Variants in UST observed in about 807,000 individuals in gnomAD.
The protein encoded by UST is chondroitin sulfate 2-O-sulfotransferase.
UST carries 21 observed loss-of-function variants against 45.6 expected under a neutral mutation model. The ratio of observed to expected loss-of-function variants is 0.46; its 90% CI spans 0.33 to 0.66. The LOEUF is 0.66. Among genes scored for constraint, UST ranks in the 30% least tolerant of loss-of-function variants. The pLI, the probability that UST is intolerant of heterozygous loss-of-function variation, is 0.02. For synonymous variants in UST, 215 were observed against 200.6 expected (o/e 1.07, Z -0.61); for missense variants, 463 against 512.4 (o/e 0.90, Z 0.93).
rs548246446 is a variant in UST, at chr6:148,971,154, T to C, written c.681+6591T>C. Among the ~76,000 whole-genome samples the C allele has an allele frequency of 2.0e-5, 3 of 152,302 alleles. No homozygotes were observed. In the South Asian group the frequency reaches 6.2e-4, roughly 32 times the overall value. On this transcript the variant is annotated intron_variant, in intron 5 of 7. Coordinates refer to ENST00000367463, the MANE Select transcript of UST (RefSeq NM_005715.3). The stretch of plus-strand genomic sequence containing the variant: ...ACTTATAAGTGCTCACCACTGTGCA[T>C]TCTACTATGCAGTGGCACCAAACCA...
At position 148,759,763 on chromosome 6, in the gene UST, G is replaced by A. The variant is rs139091384; in HGVS notation, c.247+12086G>A. Among the ~76,000 whole-genome samples, 116 of 143,264 alleles carry A rather than the reference G, an allele frequency of 8.1e-4. 1 individual carries two copies. The highest frequency in any genetic ancestry group is 2.8e-3 in the African/African-American group (109 of 38,490). 94.0% of individuals were successfully genotyped at this position (143,264 alleles called of 152,430 possible). ...CTCGGGAGGCTGAGGCAGGAGAATG[G>A]TGTGAACCCGGGAGGTGGAGCTTGC... On this transcript the variant is annotated intron_variant, in intron 1 of 7. Transcript: ENST00000367463.
At chr6:148,747,839 G>A (rs574373870) in intron 1 of UST, among the ~76,000 whole-genome samples, 162 bp downstream of exon 1, 1 of 152,096 alleles carries the variant, frequency 6.6e-6, no homozygotes, top group African/African-American at 2.4e-5. Flanking sequence ...GGTCGGGAGC[G>A]CCTTCTTCCT....
Position 148,786,103 on chromosome 6 carries a change from TTC to T in UST, c.247+38427_247+38428del, listed in dbSNP as rs545708010. The stretch of plus-strand genomic sequence containing the variant: ...CTACCATGACAGATCTTTTTTTTTT[TTC>T]CTAACAGGATGTATATGATTCTCTT... On this transcript the variant is annotated intron_variant, in intron 1 of 7. Transcript: ENST00000367463. Among the ~76,000 whole-genome samples the T allele has an allele frequency of 3.2e-3, 481 of 152,320 alleles. 3 individuals carry two copies. Among genetic ancestry groups the T allele is most frequent in the African/African-American group, 0.011 (465 of 41,568 alleles).
rs1392897107 is a variant in UST, at chr6:148,804,490, C to T, written c.247+56813C>T. Among the ~76,000 whole-genome samples the T allele has an allele frequency of 4.6e-5, 7 of 152,224 alleles. No individual in the cohort carries two copies. In the South Asian group the frequency reaches 6.2e-4, roughly 14 times the overall value. ...GGTGAAGTGGTCTGGTGCTCCTCTG[C>T]GTGTTTACAAGGCTTAATTAATAAG... On this transcript the variant is annotated intron_variant, in intron 1 of 7. Transcript: ENST00000367463.
chr6:148,974,007 A>AGCTGCGGC (rs1214202209), intron 5 of UST, among the ~76,000 whole-genome samples: 1 of 152,224 alleles, frequency 6.6e-6, no homozygotes, highest in East Asian at 1.9e-4. Flanking sequence ...AGGATTTGTT[A>AGCTGCGGC]GCTGCGGCAG....
chr6:148,959,707 A>G (rs1780607526), intron 4 of UST, among the ~76,000 whole-genome samples: 1 of 152,038 alleles, frequency 6.6e-6, no homozygotes, highest in African/African-American at 2.4e-5. Flanking sequence ...TGTGAGTGGG[A>G]GCCCTGACCC....
chr6:148,868,961 C>T (rs182461685), intron 1 of UST, among the ~76,000 whole-genome samples: 35 of 152,298 alleles, frequency 2.3e-4, no homozygotes, highest in Admixed American at 1.4e-3. Context: ...AACCACTCCC[C>T]GTTTCACACC....
intron 7 of UST, among the ~76,000 whole-genome samples, chr6:149,029,262 TTATG>T (rs773502452): frequency 2.7e-5 from 4 of 150,440 alleles, no homozygotes; most frequent in Non-Finnish European, 4.4e-5. Context: ...TCAAATAAGT[TTATG>T]TGAGTTAAAA....
At chr6:149,011,422 G>A (rs1374807491) in intron 5 of UST, among the ~76,000 whole-genome samples, 1 of 151,906 alleles carries the variant, frequency 6.6e-6, no homozygotes, top group Non-Finnish European at 1.5e-5. Context: ...GTGTGACTCT[G>A]GTCAAAAATA....
At chr6:148,957,186 A>G (rs1780532553) in intron 4 of UST, among the ~76,000 whole-genome samples, 1 of 152,226 alleles carries the variant, frequency 6.6e-6, no homozygotes, top group Non-Finnish European at 1.5e-5. Flanking sequence ...CTGACTCCCC[A>G]GGAGCAACCT....
Position 149,048,074 on chromosome 6 carries a change from A to G in UST, c.938-25759A>G, listed in dbSNP as rs73591821. On this transcript the variant is annotated intron_variant, in intron 7 of 7. Transcript: ENST00000367463. ...AGTTAGCTAAATGTTTAGGGAAAAA[A>G]TAGTCTCCTTATATCATGGGCCTTA... Among the ~76,000 whole-genome samples the G allele has an allele frequency of 8.8e-3, 1,345 of 152,310 alleles. 8 individuals carry two copies. The highest frequency in any genetic ancestry group is 0.029 in the African/African-American group (1,212 of 41,570).
rs1208115377 is a variant in UST, at chr6:149,023,152, TGTG to T, written c.937+1675_937+1677del. 1.2e-4 allele frequency among the ~76,000 whole-genome samples: 17 copies of T among 142,536 alleles called. No individual in the cohort carries two copies. The Admixed American group carries it at 1.2e-3, about 10-fold the overall frequency. 93.5% of individuals were successfully genotyped at this position (142,536 alleles called of 152,430 possible). A position where few individuals can be genotyped will look rare whatever the true frequency, so the allele number is the denominator to read the frequency against. On this transcript the variant is annotated intron_variant, in intron 7 of 7. Coordinates refer to ENST00000367463, the MANE Select transcript of UST (RefSeq NM_005715.3). The stretch of plus-strand genomic sequence containing the variant: ...TGTGTGTGTGTGTGTGTGTGTGTGG[TGTG>T]GTGTGGTGTGTGGTGTGTGTGTGTC...
chr6:149,050,704 T>C (rs1322905231), intron 7 of UST, among the ~76,000 whole-genome samples: 1 of 152,232 alleles, frequency 6.6e-6, no homozygotes, highest in African/African-American at 2.4e-5. Flanking sequence ...TTTCTTTGGA[T>C]ACATATTAGC....
intron 1 of UST, among the ~76,000 whole-genome samples, chr6:148,831,410 AGTTTT>A (rs779099057): frequency 6.6e-6 from 1 of 152,176 alleles, no homozygotes; most frequent in Admixed American, 6.5e-5. Context: ...CTTATAGTTT[AGTTTT>A]GTTTTATTAA....
At chr6:148,954,443 A>G (rs2114941097) in intron 4 of UST, among the ~76,000 whole-genome samples, 1 of 152,348 alleles carries the variant, frequency 6.6e-6, no homozygotes, top group East Asian at 1.9e-4. Flanking sequence ...TCATATATAC[A>G]TTAATCCATA....
At chr6:149,060,324 G>A (rs1488944368) in intron 7 of UST, among the ~76,000 whole-genome samples, 1 of 152,112 alleles carries the variant, frequency 6.6e-6, no homozygotes, top group Non-Finnish European at 1.5e-5. Context: ...TCCCTTCATG[G>A]CCATACCACC....
At chr6:149,000,393 G>A (rs1482818593) in intron 5 of UST, among the ~76,000 whole-genome samples, 1 of 152,128 alleles carries the variant, frequency 6.6e-6, no homozygotes, top group East Asian at 1.9e-4. Context: ...TCAGGACCCG[G>A]GAGTCCGGAT....
At chr6:148,916,185 T>C (rs1037201071) in intron 2 of UST, among the ~76,000 whole-genome samples, 3 of 152,222 alleles carry the variant, frequency 2.0e-5, no homozygotes, top group African/African-American at 7.2e-5. Flanking sequence ...GTAGTTTACA[T>C]TTAAACATCA....
At chr6:148,828,479 A>G (rs1419726051) in intron 1 of UST, among the ~76,000 whole-genome samples, 24 of 152,178 alleles carry the variant, frequency 1.6e-4, no homozygotes, top group Admixed American at 1.6e-3. Flanking sequence ...TTAAAAACCT[A>G]TGTTTCATTC....
Sources: gnomAD v4.1 joint callset for allele counts (sites outside exome capture counted in the v4.1 genomes callset) on GRCh38, gnomAD v4.1.1 for gene constraint, MANE v1.5 for transcripts, NCBI Gene and HGNC (gene_info 2026-07-23, HGNC 2026-07-21) for gene names.